Variants in WWOX observed in about 807,000 individuals in gnomAD.
The protein encoded by WWOX is WW domain containing oxidoreductase.
In WWOX, 69 loss-of-function variants were observed where a neutral mutation model predicts 46.2. The ratio of observed to expected loss-of-function variants is 1.49; its 90% CI spans 1.23 to 1.82. The LOEUF (loss-of-function observed/expected upper bound fraction) is 1.82. Ranked by LOEUF, WWOX falls within the 40% of genes most tolerant of loss-of-function variation. The pLI, the probability that WWOX is intolerant of heterozygous loss-of-function variation, is 0.00. For missense variants in WWOX, 919 were observed against 542.6 expected, an observed-to-expected ratio of 1.69 and a Z score of -6.89; for synonymous variants, 359 against 202.6, an observed-to-expected ratio of 1.77 and a Z score of -6.56.
intron 8 of WWOX, among the ~76,000 whole-genome samples, chr16:78,842,168 C>G (rs1015792886): frequency 1.3e-5 from 2 of 151,988 alleles, no homozygotes; most frequent in East Asian, 1.9e-4. Context: ...TCAACCGATT[C>G]AGCAGTGGAA....
chr16:78,186,173 A>G (rs1329851357), intron 5 of WWOX, among the ~76,000 whole-genome samples: 1 of 152,234 alleles, frequency 6.6e-6, no homozygotes, highest in East Asian at 1.9e-4. Flanking sequence ...CCATGCTGAA[A>G]TAATATTTGA....
At chr16:78,479,923 A>G (rs1001849939) in intron 8 of WWOX, among the ~76,000 whole-genome samples, 2 of 152,192 alleles carry the variant, frequency 1.3e-5, no homozygotes, top group South Asian at 2.1e-4. Context: ...ACCAATGACA[A>G]TGGAGCATCT....
At chr16:78,970,668 G>T (rs910205023) in intron 8 of WWOX, among the ~76,000 whole-genome samples, 1 of 152,126 alleles carries the variant, frequency 6.6e-6, no homozygotes, top group African/African-American at 2.4e-5. Context: ...AATTTGCTGA[G>T]AATTCATTTG....
intron 8 of WWOX, among the ~76,000 whole-genome samples, chr16:78,930,707 A>T (rs999917769): frequency 1.3e-5 from 2 of 151,980 alleles, no homozygotes; most frequent in Admixed American, 1.3e-4. Context: ...CAAAGAGCAG[A>T]ATGAAAAAAT....
intron 8 of WWOX, among the ~76,000 whole-genome samples, chr16:78,990,568 AG>A (rs1333183158): frequency 1.3e-5 from 2 of 152,254 alleles, no homozygotes; most frequent in African/African-American, 4.8e-5. Context: ...GAGCCCCCAA[AG>A]CCCCAGGGTA....
intron 8 of WWOX, among the ~76,000 whole-genome samples, chr16:78,461,606 G>A (rs539002732): frequency 2.0e-5 from 3 of 152,288 alleles, no homozygotes; most frequent in Admixed American, 6.5e-5. Flanking sequence ...TGTTATTTCA[G>A]TGCAAAGCTG....
intron 8 of WWOX, among the ~76,000 whole-genome samples, chr16:78,984,777 T>C (rs571901931): frequency 6.6e-6 from 1 of 152,298 alleles, no homozygotes; most frequent in East Asian, 1.9e-4. Context: ...ATTTCCTCTG[T>C]GGTGTCTGTG....
chr16:78,335,643 C>T (rs2080871969), intron 5 of WWOX, among the ~76,000 whole-genome samples: 1 of 152,112 alleles, frequency 6.6e-6, no homozygotes, highest in East Asian at 1.9e-4. Context: ...AAGGTACATG[C>T]ACATGTATGT....
intron 5 of WWOX, among the ~76,000 whole-genome samples, chr16:78,382,613 G>A (rs553279467): frequency 7.3e-4 from 111 of 152,266 alleles, no homozygotes; most frequent in Non-Finnish European, 1.3e-3. Context: ...GGTTGGTTTT[G>A]CCAATGAAGA....
chr16:78,831,533 G>T (rs929349843), intron 8 of WWOX, among the ~76,000 whole-genome samples: 1 of 152,160 alleles, frequency 6.6e-6, no homozygotes, highest in African/African-American at 2.4e-5. Context: ...GCCCATGCCC[G>T]GGTGCACAAA....
At chr16:78,195,777 G>A (rs1039404174) in intron 5 of WWOX, among the ~76,000 whole-genome samples, 9 of 131,348 alleles carry the variant, frequency 6.9e-5, no homozygotes, top group African/African-American at 8.7e-5. Context: ...AGCTGAGATC[G>A]CACCACTGCA....
chr16:78,628,612 A>T (rs192714094), intron 8 of WWOX, among the ~76,000 whole-genome samples: 211 of 151,712 alleles, frequency 1.4e-3, no homozygotes, highest in African/African-American at 4.9e-3. Context: ...TGATGGATTT[A>T]TTCCAGCAAT....
At chr16:78,722,651 G>A (rs142700083) in intron 8 of WWOX, among the ~76,000 whole-genome samples, 18 of 151,338 alleles carry the variant, frequency 1.2e-4, no homozygotes, top group Non-Finnish European at 2.4e-4. Flanking sequence ...AAGAGTAGAA[G>A]AGGGATGTAA....
chr16:78,944,691 A>T (rs1260897815), intron 8 of WWOX, among the ~76,000 whole-genome samples: 3 of 152,142 alleles, frequency 2.0e-5, no homozygotes, highest in South Asian at 2.1e-4. Context: ...AATGCAAGTC[A>T]CAATATCCTG....
At chr16:78,536,743 A>AAGG (rs202107828) in intron 8 of WWOX, among the ~76,000 whole-genome samples, 2 of 151,952 alleles carry the variant, frequency 1.3e-5, no homozygotes, top group East Asian at 1.9e-4. Context: ...AATGATGACG[A>AAGG]AGGAGGAGGA....
chr16:78,130,209 A>C (rs2033533890), intron 4 of WWOX: 1 of 152,206 alleles, frequency 6.6e-6, no homozygotes, highest in African/African-American at 2.4e-5. Context: ...TTATAGCAGC[A>C]TGAAAACAGA....
At chr16:78,374,685 A>G (rs2081776544) in intron 5 of WWOX, among the ~76,000 whole-genome samples, 2 of 151,716 alleles carry the variant, frequency 1.3e-5, no homozygotes, top group Admixed American at 1.3e-4. Context: ...AGTAGCTGGA[A>G]CTACAGGTGC....
intron 8 of WWOX, among the ~76,000 whole-genome samples, chr16:79,033,714 C>T (rs2047811057): frequency 6.6e-6 from 1 of 152,240 alleles, no homozygotes; most frequent in Admixed American, 6.5e-5. Context: ...ACTGGCTCCT[C>T]ATCACCTCCC....
intron 8 of WWOX, among the ~76,000 whole-genome samples, chr16:78,540,501 G>T (rs2043866193): frequency 1.3e-5 from 2 of 152,208 alleles, no homozygotes; most frequent in South Asian, 4.2e-4. Context: ...ATGAGAAAAG[G>T]ATTAGTTTTA....
Sources: allele counts gnomAD v4.1 joint callset (sites outside exome capture counted in the v4.1 genomes callset), GRCh38; gene constraint gnomAD v4.1.1; transcripts MANE v1.5; gene names NCBI Gene and HGNC (gene_info 2026-07-23, HGNC 2026-07-21).